Variants in ANO10 observed in about 807,000 individuals in gnomAD.
ANO10 encodes the protein anoctamin 10.
In ANO10, 77 loss-of-function variants were observed where a neutral mutation model predicts 74.7. The ratio of observed to expected loss-of-function variants is 1.03; its 90% CI spans 0.86 to 1.25. ANO10 has a LOEUF of 1.25. Ranked by LOEUF, ANO10 falls within the 50% of genes most tolerant of loss-of-function variation. The pLI, the probability that ANO10 is intolerant of heterozygous loss-of-function variation, is 0.00. For synonymous variants in ANO10, 279 were observed against 284.9 expected (o/e 0.98, Z 0.21); for missense variants, 721 against 778.1 (o/e 0.93, Z 0.87).
chr3:43,509,502 C>T (rs951308941), intron 11 of ANO10, among the ~76,000 whole-genome samples: 1 of 152,184 alleles, frequency 6.6e-6, no homozygotes, highest in African/African-American at 2.4e-5. Flanking sequence ...TGCAATATGA[C>T]TACATACCCA....
intron 11 of ANO10, chr3:43,485,625 C>A: frequency 4.9e-6 from 1 of 203,970 alleles, no homozygotes; most frequent in Non-Finnish European, 1.0e-5. Flanking sequence ...CAAGGACCCC[C>A]AGTAACATTA....
At chr3:43,506,779 T>C (rs1049865179) in intron 11 of ANO10, among the ~76,000 whole-genome samples, 3 of 152,124 alleles carry the variant, frequency 2.0e-5, no homozygotes, top group African/African-American at 7.2e-5. Flanking sequence ...TCATTCTCCC[T>C]AGGACATTTT....
chr3:43,540,204 T>C (rs2078895167), intron 11 of ANO10, among the ~76,000 whole-genome samples: 1 of 152,242 alleles, frequency 6.6e-6, no homozygotes, highest in Non-Finnish European at 1.5e-5. Flanking sequence ...ATTCATTTTG[T>C]TTTAGCAAAC....
intron 10 of ANO10, among the ~76,000 whole-genome samples, chr3:43,550,496 T>C (rs989220641): frequency 6.6e-6 from 1 of 152,344 alleles, no homozygotes; most frequent in African/African-American, 2.4e-5. Flanking sequence ...TTTTCTTTAA[T>C]ACAAAGTATA....
chr3:43,395,644 T>C (rs1299792117), intron 12 of ANO10, among the ~76,000 whole-genome samples: 1 of 152,168 alleles, frequency 6.6e-6, no homozygotes, highest in African/African-American at 2.4e-5. Context: ...TCTACACTAT[T>C]CCCCCCTGTA....
chr3:43,538,220 G>C (rs1356298416), intron 11 of ANO10, among the ~76,000 whole-genome samples: 1 of 152,096 alleles, frequency 6.6e-6, no homozygotes, highest in African/African-American at 2.4e-5. Context: ...TTTGAGTTTG[G>C]GGTATTGTTA....
At chr3:43,470,505 G>A (rs1474716143) in intron 11 of ANO10, among the ~76,000 whole-genome samples, 2 of 151,960 alleles carry the variant, frequency 1.3e-5, no homozygotes, top group Non-Finnish European at 2.9e-5. Context: ...AGGCGCGCCT[G>A]GCTAATTTTT....
At chr3:43,591,376 T>C (rs1289963365) in intron 4 of ANO10, among the ~76,000 whole-genome samples, 1 of 152,176 alleles carries the variant, frequency 6.6e-6, no homozygotes, top group Admixed American at 6.5e-5. Flanking sequence ...TGAACACTAG[T>C]TGCTGGGTTC....
At chr3:43,639,767 T>C (rs56904556) in intron 1 of ANO10, among the ~76,000 whole-genome samples, 8,639 of 144,370 alleles carry the variant, frequency 0.06, 399 homozygotes, top group South Asian at 0.13. Context: ...AGAGTAAGAC[T>C]CCATCTCAGA....
intron 11 of ANO10, among the ~76,000 whole-genome samples, chr3:43,439,685 G>C (rs1244009977): frequency 6.6e-6 from 1 of 151,934 alleles, no homozygotes; most frequent in Non-Finnish European, 1.5e-5. Context: ...TTTGAAACCA[G>C]CCTGGGCAAC....
chr3:43,437,250 C>T (rs1052804798), intron 11 of ANO10, among the ~76,000 whole-genome samples: 3 of 152,158 alleles, frequency 2.0e-5, no homozygotes, highest in Non-Finnish European at 4.4e-5. Context: ...GTTGCCAGAA[C>T]TTCTGAGGAT....
At chr3:43,529,050 C>T (rs1391005613) in intron 11 of ANO10, among the ~76,000 whole-genome samples, 2 of 152,122 alleles carry the variant, frequency 1.3e-5, no homozygotes, top group Admixed American at 1.3e-4. Context: ...TTTGAAAGGG[C>T]CCATGTGTAT....
intron 1 of ANO10, among the ~76,000 whole-genome samples, chr3:43,672,720 C>T (rs2084075059): frequency 6.6e-6 from 1 of 152,070 alleles, no homozygotes; most frequent in African/African-American, 2.4e-5. Flanking sequence ...TTTTAGTTTA[C>T]TTGTGTTATT....
intron 1 of ANO10, chr3:43,637,544 T>G (rs1018635430): frequency 8.0e-5 from 12 of 150,796 alleles, no homozygotes; most frequent in African/African-American, 2.7e-4. Context: ...GACCAAAATT[T>G]AGAAGAAGAA....
At chr3:43,672,445 C>T (rs1219814234) in intron 1 of ANO10, among the ~76,000 whole-genome samples, 4 of 152,120 alleles carry the variant, frequency 2.6e-5, no homozygotes, top group Non-Finnish European at 4.4e-5. Flanking sequence ...GTGGGAGGAT[C>T]GCTTGAGCCT....
chr3:43,477,339 A>G (rs1339041993), intron 11 of ANO10, among the ~76,000 whole-genome samples: 1 of 152,204 alleles, frequency 6.6e-6, no homozygotes, highest in East Asian at 1.9e-4. Context: ...ATGAATATGA[A>G]AATAATTTAT....
In ANO10 at chr3:43,549,835, G is replaced by A. The variant is rs17409162; in HGVS notation, c.1682C>T (p.Thr561Met). ...AGTGACCACAGATATAACACTCATC[G>A]TTTCAAAAGCCAACTAAAAGAAAAA... ...NIGVWQLAFE[T>M]MSVISVVTNC... The change falls in exon 11 of 13, where the codon ACG becomes ATG. Residue 561 changes from threonine (T) to methionine (M), a missense_variant. Coordinates refer to ENST00000292246, the MANE Select transcript of ANO10 (RefSeq NM_018075.5). 0.055 allele frequency: 88,800 copies of A among 1,613,188 alleles called. 2,715 individuals carry two copies. Among genetic ancestry groups the A allele is most frequent in the Non-Finnish European group, 0.059 (69,736 of 1,179,348 alleles).
chr3:43,640,421 T>G (rs188683209), intron 1 of ANO10, among the ~76,000 whole-genome samples: 56 of 152,236 alleles, frequency 3.7e-4, no homozygotes, highest in Admixed American at 1.2e-3. Context: ...AGTGGAGAAC[T>G]TGCCATCTTT....
intron 11 of ANO10, among the ~76,000 whole-genome samples, chr3:43,519,392 A>G (rs2077851884): frequency 6.6e-6 from 1 of 152,138 alleles, no homozygotes; most frequent in African/African-American, 2.4e-5. Context: ...TTGAGAATAT[A>G]TATCAATTCA....
Sources: allele counts gnomAD v4.1 joint callset (sites outside exome capture counted in the v4.1 genomes callset), GRCh38; gene constraint gnomAD v4.1.1; transcripts MANE v1.5; gene names NCBI Gene and HGNC (gene_info 2026-07-23, HGNC 2026-07-21).